Variants in SLC36A1 observed in about 807,000 individuals in gnomAD.
SLC36A1 encodes the protein proton-coupled amino acid transporter 1.
SLC36A1 carries 30 observed loss-of-function variants against 47.5 expected under a neutral mutation model. The observed-to-expected ratio is 0.63, with a 90% CI of 0.47 to 0.86. The LOEUF (loss-of-function observed/expected upper bound fraction) is 0.86. SLC36A1 is among the 40% of genes least tolerant of loss of function. The pLI, the probability that SLC36A1 is intolerant of heterozygous loss-of-function variation, is 0.00. For missense variants in SLC36A1, 517 were observed against 606.0 expected, an observed-to-expected ratio of 0.85 and a Z score of 1.54; for synonymous variants, 255 against 249.7, an observed-to-expected ratio of 1.02 and a Z score of -0.20.
chr5:151,445,892 G>T (rs556652155), upstream of SLC36A1, among the ~76,000 whole-genome samples: 10 of 151,050 alleles, frequency 6.6e-5, no homozygotes, highest in Admixed American at 6.6e-4. Context: ...ACTAGCAAAG[G>T]GTACGTCAAT....
chr5:151,465,861 C>T (rs1756282128), intron 5 of SLC36A1, among the ~76,000 whole-genome samples: 1 of 151,466 alleles, frequency 6.6e-6, no homozygotes. Flanking sequence ...GTTATGGTAA[C>T]TCTTCAGTGT....
the SLC36A1 span, among the ~76,000 whole-genome samples, chr5:151,547,503 C>G: frequency 6.6e-6 from 1 of 152,222 alleles, no homozygotes; most frequent in African/African-American, 2.4e-5. Flanking sequence ...TTCCCTCTAT[C>G]ACGTGAGAGC....
the SLC36A1 span, among the ~76,000 whole-genome samples, chr5:151,410,661 G>A: frequency 1.4e-5 from 2 of 143,964 alleles, no homozygotes; most frequent in Admixed American, 6.9e-5. Flanking sequence ...CATAACTTTC[G>A]CCTTTTATTT....
the SLC36A1 span, among the ~76,000 whole-genome samples, chr5:151,418,392 C>G: frequency 1.3e-5 from 2 of 152,208 alleles, no homozygotes; most frequent in African/African-American, 4.8e-5. Flanking sequence ...TGAAAAGCAG[C>G]CAGGAGGGGG....
At chr5:151,394,611 C>T in the SLC36A1 span, among the ~76,000 whole-genome samples, 1 of 152,212 alleles carries the variant, frequency 6.6e-6, no homozygotes. Context: ...TGTTAGCTTT[C>T]CTTCTAACAG....
the SLC36A1 span, chr5:151,543,567 G>A: frequency 4.3e-6 from 7 of 1,614,138 alleles, no homozygotes; most frequent in East Asian, 2.2e-5. Flanking sequence ...GTTTATTGAT[G>A]ATAGTATAAT....
chr5:151,512,021 A>G, the SLC36A1 span: 1 of 702,426 alleles, frequency 1.4e-6, no homozygotes. The surrounding 1 kb of genome is among the most constrained non-coding windows in gnomAD (Gnocchi z 4.1). Flanking sequence ...GATATTGCAG[A>G]TTCCAACCTG....
chr5:151,532,770 T>C, the SLC36A1 span, among the ~76,000 whole-genome samples: 1 of 152,230 alleles, frequency 6.6e-6, no homozygotes, highest in Admixed American at 6.5e-5. Flanking sequence ...ACACCAACAT[T>C]TAAGGCTCGG....
At chr5:151,469,631 T>C (rs2127503214) in intron 7 of SLC36A1, among the ~76,000 whole-genome samples, 1 of 152,242 alleles carries the variant, frequency 6.6e-6, no homozygotes, top group Middle Eastern at 3.4e-3. Context: ...GTGTGCACTT[T>C]TGAATTTTTG....
At chr5:151,552,802 G>A in the SLC36A1 span, among the ~76,000 whole-genome samples, 1 of 152,218 alleles carries the variant, frequency 6.6e-6, no homozygotes, top group Admixed American at 6.5e-5. Context: ...TGGCCCCAGG[G>A]TATAGCTTAT....
At chr5:151,353,684 C>G in the SLC36A1 span, among the ~76,000 whole-genome samples, 1 of 152,040 alleles carries the variant, frequency 6.6e-6, no homozygotes, top group Non-Finnish European at 1.5e-5. Context: ...CATTTCACTG[C>G]CCTAACCTAA....
chr5:151,501,119 C>G, the SLC36A1 span, among the ~76,000 whole-genome samples: 1 of 152,202 alleles, frequency 6.6e-6, no homozygotes, highest in African/African-American at 2.4e-5. Flanking sequence ...CAGACAAACC[C>G]TTTCTCTATG....
At chr5:151,538,823 C>T in the SLC36A1 span, among the ~76,000 whole-genome samples, 3 of 151,820 alleles carry the variant, frequency 2.0e-5, no homozygotes, top group South Asian at 4.2e-4. Flanking sequence ...AGTACAGGTG[C>T]GTGCCACCAC....
the SLC36A1 span, chr5:151,550,644 C>T: frequency 6.6e-3 from 10,691 of 1,614,194 alleles, 59 homozygotes; most frequent in Non-Finnish European, 7.9e-3. Context: ...ATTTTCCCAC[C>T]GTTACCAGGA....
chr5:151,432,951 T>A (rs1759454166), upstream of SLC36A1, among the ~76,000 whole-genome samples: 1 of 151,858 alleles, frequency 6.6e-6, no homozygotes, highest in Non-Finnish European at 1.5e-5. Context: ...TATGAAATCC[T>A]AAGCAGAGGA....
At chr5:151,364,542 T>A in the SLC36A1 span, among the ~76,000 whole-genome samples, 1 of 152,218 alleles carries the variant, frequency 6.6e-6, no homozygotes, top group Non-Finnish European at 1.5e-5. Flanking sequence ...TTAATTATAC[T>A]ATTAAATTAT....
chr5:151,449,873 C>T (rs1267831741), intron 1 of SLC36A1, among the ~76,000 whole-genome samples: 2 of 152,242 alleles, frequency 1.3e-5, no homozygotes, highest in Non-Finnish European at 2.9e-5. Flanking sequence ...ACTCAAGAGT[C>T]TGTGACATTC....
At chr5:151,391,885 C>A in the SLC36A1 span, among the ~76,000 whole-genome samples, 3 of 151,998 alleles carry the variant, frequency 2.0e-5, no homozygotes, top group African/African-American at 4.8e-5. Flanking sequence ...TGTCTCTGCC[C>A]GGCTTTGGTA....
chr5:151,420,868 CTCTT>C, the SLC36A1 span, among the ~76,000 whole-genome samples: 8 of 144,232 alleles, frequency 5.5e-5, no homozygotes, highest in South Asian at 9.8e-4. Flanking sequence ...TTCTTTCTTT[CTCTT>C]TCTTTCTTTT....
Sources: allele counts gnomAD v4.1 joint callset (sites outside exome capture counted in the v4.1 genomes callset), GRCh38; gene constraint gnomAD v4.1.1; non-coding constraint Gnocchi (gnomAD v3.1); transcripts MANE v1.5; gene names NCBI Gene and HGNC (gene_info 2026-07-23, HGNC 2026-07-21).